Variants in LINGO2 observed in about 807,000 individuals in gnomAD.
LINGO2 encodes the protein leucine-rich repeat and immunoglobulin-like domain-containing nogo receptor-interacting protein 2.
Under a neutral mutation model 30.6 loss-of-function variants are expected in LINGO2, and 14 were observed. The observed-to-expected ratio is 0.46, with a 90% CI of 0.30 to 0.72. The LOEUF (loss-of-function observed/expected upper bound fraction) is 0.72, where lower values mean the gene tolerates loss of function less well. Ranked by LOEUF, LINGO2 falls within the 30% of genes least tolerant of loss-of-function variation. The pLI is 0.07. For synonymous variants in LINGO2, 317 were observed against 288.5 expected (o/e 1.10, Z -1.00); for missense variants, 729 against 751.7 (o/e 0.97, Z 0.35).
chr9:28,489,409 A>G (rs1004319589), intron 1 of LINGO2, among the ~76,000 whole-genome samples: 2 of 152,058 alleles, frequency 1.3e-5, no homozygotes, highest in African/African-American at 2.4e-5. Flanking sequence ...CCTCAAAGTG[A>G]TCCACCTGCC....
At chr9:28,402,621 A>G (rs1564177138) in intron 2 of LINGO2, among the ~76,000 whole-genome samples, 1 of 149,640 alleles carries the variant, frequency 6.7e-6, no homozygotes, top group Non-Finnish European at 1.5e-5. Flanking sequence ...TTTTCCTCTT[A>G]GGTATCTGCT....
At chr9:28,785,705 C>CACAT in the LINGO2 span, among the ~76,000 whole-genome samples, 3 of 126,586 alleles carry the variant, frequency 2.4e-5, no homozygotes, top group African/African-American at 8.2e-5. Flanking sequence ...CACACACACA[C>CACAT]ATGCACACAC....
intron 4 of LINGO2, among the ~76,000 whole-genome samples, chr9:28,179,516 T>C (rs1375600210): frequency 9.4e-6 from 1 of 106,244 alleles, no homozygotes; most frequent in Non-Finnish European, 1.9e-5. Context: ...CTATATATAG[T>C]TTATATATAT....
chr9:28,943,647 A>G, the LINGO2 span, among the ~76,000 whole-genome samples: 1 of 152,128 alleles, frequency 6.6e-6, no homozygotes, highest in African/African-American at 2.4e-5. Context: ...CACAATGCAC[A>G]TGCATGAAAG....
At chr9:29,191,426 T>C in the LINGO2 span, among the ~76,000 whole-genome samples, 6 of 152,106 alleles carry the variant, frequency 3.9e-5, no homozygotes, top group African/African-American at 7.2e-5. Context: ...AGTCATAATA[T>C]ACATATACAT....
At chr9:28,390,651 G>A (rs1056901226) in intron 2 of LINGO2, among the ~76,000 whole-genome samples, 1 of 151,778 alleles carries the variant, frequency 6.6e-6, no homozygotes, top group African/African-American at 2.4e-5. Flanking sequence ...ACTTAAGTCT[G>A]CCATCTCCTA....
At chr9:29,189,654 C>A in the LINGO2 span, among the ~76,000 whole-genome samples, 2 of 152,098 alleles carry the variant, frequency 1.3e-5, no homozygotes, top group African/African-American at 4.8e-5. Context: ...TTTGGGAGGC[C>A]AAGGCAGGCG....
At chr9:29,199,029 C>T in the LINGO2 span, among the ~76,000 whole-genome samples, 711 of 152,060 alleles carry the variant, frequency 4.7e-3, 5 homozygotes, top group African/African-American at 0.017. Flanking sequence ...GGCGTAAAAC[C>T]ACAAGGATTA....
chr9:28,807,163 T>C, the LINGO2 span, among the ~76,000 whole-genome samples: 1 of 151,936 alleles, frequency 6.6e-6, no homozygotes, highest in Admixed American at 6.6e-5. Flanking sequence ...TAGCTGGGAC[T>C]ACAGGGGCCT....
At chr9:28,847,734 G>GTA in the LINGO2 span, among the ~76,000 whole-genome samples, 8 of 114,730 alleles carry the variant, frequency 7.0e-5, no homozygotes, top group Admixed American at 2.9e-4. Context: ...TAGTGTCTGT[G>GTA]TATATATATA....
the LINGO2 span, among the ~76,000 whole-genome samples, chr9:29,047,246 G>A: frequency 2.6e-5 from 4 of 151,896 alleles, no homozygotes; most frequent in African/African-American, 4.8e-5. Flanking sequence ...GGCAAAGGAC[G>A]TGAACAGACA....
At chr9:28,314,261 C>A (rs919711028) in intron 3 of LINGO2, among the ~76,000 whole-genome samples, 1 of 152,156 alleles carries the variant, frequency 6.6e-6, no homozygotes. Flanking sequence ...CTTTTTAAGT[C>A]CTATAACATG....
At chr9:28,656,036 A>C (rs1026591165) in intron 1 of LINGO2, among the ~76,000 whole-genome samples, 1 of 152,256 alleles carries the variant, frequency 6.6e-6, no homozygotes, top group South Asian at 2.1e-4. Flanking sequence ...CAGGTGAATT[A>C]TTTAACATTG....
At chr9:28,730,713 A>T in the LINGO2 span, among the ~76,000 whole-genome samples, 13 of 152,190 alleles carry the variant, frequency 8.5e-5, no homozygotes, top group African/African-American at 3.1e-4. Context: ...ATATGGCAAT[A>T]AGAATATGAA....
chr9:28,204,409 G>A (rs998736249), intron 4 of LINGO2, among the ~76,000 whole-genome samples: 1 of 152,136 alleles, frequency 6.6e-6, no homozygotes, highest in Non-Finnish European at 1.5e-5. Context: ...TTCTGATACT[G>A]TGATGCTCTT....
intron 3 of LINGO2, among the ~76,000 whole-genome samples, chr9:28,337,050 AAC>A (rs1346198470): frequency 1.3e-5 from 2 of 149,406 alleles, no homozygotes; most frequent in South Asian, 2.1e-4. Flanking sequence ...ATTATAAATG[AAC>A]ATATATACTT....
At chr9:28,854,423 A>T in the LINGO2 span, among the ~76,000 whole-genome samples, 1 of 152,022 alleles carries the variant, frequency 6.6e-6, no homozygotes, top group East Asian at 1.9e-4. Flanking sequence ...TGGTATTTTG[A>T]GAAAAATTGT....
At chr9:28,064,761 T>C (rs1407037399) in intron 4 of LINGO2, among the ~76,000 whole-genome samples, 1 of 152,084 alleles carries the variant, frequency 6.6e-6, no homozygotes, top group Admixed American at 6.6e-5. Flanking sequence ...TAATTAACCC[T>C]TAGAGGGCTA....
At chr9:28,314,166 C>G (rs1587450414) in intron 3 of LINGO2, among the ~76,000 whole-genome samples, 1 of 152,116 alleles carries the variant, frequency 6.6e-6, no homozygotes, top group African/African-American at 2.4e-5. Context: ...GATCTCCTGA[C>G]CTCGTGATCT....
Sources: gnomAD v4.1 joint callset for allele counts (sites outside exome capture counted in the v4.1 genomes callset) on GRCh38, gnomAD v4.1.1 for gene constraint, MANE v1.5 for transcripts, NCBI Gene and HGNC (gene_info 2026-07-23, HGNC 2026-07-21) for gene names.